The following FAM178B variants were observed in gnomAD, a reference collection of about 807,000 sequenced individuals.
The protein encoded by FAM178B is protein FAM178B.
A neutral mutation model predicts 91.7 loss-of-function variants in FAM178B; 82 were observed. The ratio of observed to expected loss-of-function variants is 0.89; its 90% confidence interval spans 0.75 to 1.07. The LOEUF is 1.07. Among genes scored for constraint, FAM178B ranks in the 50% least tolerant of loss-of-function variants. FAM178B has a pLI of 0.00. For synonymous variants in FAM178B, 368 were observed against 359.4 expected, an observed-to-expected ratio of 1.02 and a Z score of -0.27; for missense variants, 769 against 846.7, an observed-to-expected ratio of 0.91 and a Z score of 1.14.
At chr2:96,981,348 G>C (rs1421413122) in intron 1 of FAM178B, among the ~76,000 whole-genome samples, 2 of 152,102 alleles carry the variant, frequency 1.3e-5, no homozygotes, top group Non-Finnish European at 2.9e-5. Flanking sequence ...ACATGCACGT[G>C]AACACTCAAT....
At chr2:96,983,230 G>A (rs2082384774) in intron 1 of FAM178B, among the ~76,000 whole-genome samples, 1 of 151,918 alleles carries the variant, frequency 6.6e-6, no homozygotes, top group African/African-American at 2.4e-5. Context: ...GTACATATGT[G>A]TACATTTAGT....
At chr2:96,922,372 C>T (rs1326536376) in intron 10 of FAM178B, among the ~76,000 whole-genome samples, 2 of 152,210 alleles carry the variant, frequency 1.3e-5, no homozygotes, top group African/African-American at 2.4e-5. Flanking sequence ...TTTTTTGAGA[C>T]AGAGTCTTGC....
Position 96,972,592 on chromosome 2 carries a change from C to T in FAM178B, c.88G>A (p.Gly30Ser), listed in dbSNP as rs1367263308. The stretch of plus-strand genomic sequence containing the variant: ...TCCTGGGGCCCAGCCATCTGCAAGC[C>T]GTGGGACATCTGTCCTGGAAGGAAG... ...RLHFTGQMSH[G>S]LQMAGPQETV... The change falls in exon 2 of 17, where the codon GGC becomes AGC. Residue 30 changes from glycine (G) to serine (S), a missense_variant. Physicochemically the swap from Gly to Ser is moderately conservative, Grantham distance 56. Transcript: ENST00000490605. 23 of 1,551,468 alleles carry T rather than the reference C, an allele frequency of 1.5e-5. No individual in the cohort carries two copies. The highest frequency in any genetic ancestry group is 2.0e-5 in the Admixed American group (1 of 50,990).
intron 10 of FAM178B, among the ~76,000 whole-genome samples, chr2:96,923,008 G>A (rs576269635): frequency 2.0e-5 from 3 of 151,654 alleles, no homozygotes; most frequent in South Asian, 4.2e-4. Context: ...TCGCTCTGTC[G>A]CCCAGGCTGG....
At chr2:96,955,699 A>G (rs911221235) in intron 6 of FAM178B, among the ~76,000 whole-genome samples, 3 of 152,100 alleles carry the variant, frequency 2.0e-5, no homozygotes, top group Non-Finnish European at 4.4e-5. Context: ...ATAAATAAAT[A>G]AGCGAGTGTT....
At chr2:96,895,619 T>G (rs1199838149) in intron 13 of FAM178B, among the ~76,000 whole-genome samples, 3 of 152,132 alleles carry the variant, frequency 2.0e-5, no homozygotes, top group Non-Finnish European at 4.4e-5. Flanking sequence ...GCAGGCAGGC[T>G]CCCAGCCCTT....
chr2:96,890,421 G>A (rs534409803), intron 14 of FAM178B, among the ~76,000 whole-genome samples: 2 of 152,260 alleles, frequency 1.3e-5, no homozygotes, highest in African/African-American at 4.8e-5. Context: ...CCTTGATGGC[G>A]CCACTGCATT....
At chr2:96,952,360 C>T (rs1230278565) in intron 6 of FAM178B, among the ~76,000 whole-genome samples, 1 of 152,162 alleles carries the variant, frequency 6.6e-6, no homozygotes, top group Non-Finnish European at 1.5e-5. Context: ...TCTTCAGAAA[C>T]CATGTGAGCT....
chr2:96,913,348 G>A (rs2081190484), intron 12 of FAM178B, among the ~76,000 whole-genome samples: 1 of 152,202 alleles, frequency 6.6e-6, no homozygotes, highest in Admixed American at 6.5e-5. Flanking sequence ...GGGGACAAGG[G>A]ACATGCATGT....
At chr2:96,898,153 G>T in intron 13 of FAM178B, 1 of 975,296 alleles carries the variant, frequency 1.0e-6, no homozygotes, top group Non-Finnish European at 1.2e-6. Flanking sequence ...ACAGTGAATC[G>T]ATTGATAGGA....
At chr2:96,930,858 G>T (rs1474952274) in intron 8 of FAM178B, among the ~76,000 whole-genome samples, 1 of 152,162 alleles carries the variant, frequency 6.6e-6, no homozygotes, top group Non-Finnish European at 1.5e-5. Context: ...AAGGCCTGAG[G>T]GAGCTGGTTG....
intron 5 of FAM178B, 31 bp from the exon 6 acceptor site, chr2:96,960,471 A>G: frequency 1.3e-6 from 2 of 1,513,930 alleles, no homozygotes; most frequent in Non-Finnish European, 1.8e-6. Context: ...AGGGCCGGGC[A>G]TCAGCAGATG....
intron 6 of FAM178B, among the ~76,000 whole-genome samples, chr2:96,959,199 G>GAAAAAAAAAAAAAAA (rs57498168): frequency 3.7e-5 from 3 of 82,122 alleles, no homozygotes; most frequent in African/African-American, 9.7e-5. Flanking sequence ...ACTCAGTTTT[G>GAAAAAAAAAAAAAAA]AAAAAAAAAA....
chr2:96,927,980 C>T (rs1048253989), intron 9 of FAM178B, among the ~76,000 whole-genome samples: 4 of 152,240 alleles, frequency 2.6e-5, no homozygotes, highest in Non-Finnish European at 5.9e-5. Context: ...TTACACCAGA[C>T]ATGGAGCTGC....
intron 12 of FAM178B, among the ~76,000 whole-genome samples, chr2:96,903,384 C>T (rs2080971729): frequency 6.6e-6 from 1 of 152,226 alleles, no homozygotes; most frequent in Admixed American, 6.5e-5. Context: ...CTTTGTGGCT[C>T]CACCTCTGCA....
intron 10 of FAM178B, among the ~76,000 whole-genome samples, chr2:96,921,896 G>T (rs1001275339): frequency 2.6e-5 from 4 of 152,104 alleles, no homozygotes; most frequent in Admixed American, 6.5e-5. Context: ...AATAGGGGCT[G>T]GGTAAAACAA....
intron 8 of FAM178B, among the ~76,000 whole-genome samples, chr2:96,934,575 C>T (rs2081593811): frequency 6.6e-6 from 1 of 152,210 alleles, no homozygotes; most frequent in African/African-American, 2.4e-5. Context: ...ATTTTAAAAA[C>T]ATGCACATTT....
At chr2:96,923,170 A>G (rs1349173313) in intron 10 of FAM178B, among the ~76,000 whole-genome samples, 1 of 142,912 alleles carries the variant, frequency 7.0e-6, no homozygotes, top group African/African-American at 2.6e-5. Context: ...ATGGGGTTTC[A>G]CCATGTTGGT....
In FAM178B at chr2:96,931,732, G is replaced by A. The variant is rs374629240; in HGVS notation, c.1079-2412C>T. On this transcript the variant is annotated intron_variant, in intron 8 of 16. Coordinates refer to ENST00000490605, the MANE Select transcript of FAM178B (RefSeq NM_001122646.3). ...GCAGGATGGCGGGCAGAGGGTCTCTGAAACCTGCCCAAGGACATTTCTTCG... is the reference window on the plus strand; with the variant it reads ...GCAGGATGGCGGGCAGAGGGTCTCTAAAACCTGCCCAAGGACATTTCTTCG... Among the ~76,000 whole-genome samples, 63 of 152,250 alleles carry A rather than the reference G, an allele frequency of 4.1e-4. No homozygotes were observed. In the East Asian group the frequency reaches 0.01, roughly 24 times the overall value.
Sources: allele counts gnomAD v4.1 joint callset (sites outside exome capture counted in the v4.1 genomes callset), GRCh38; gene constraint gnomAD v4.1.1; transcripts MANE v1.5; gene names NCBI Gene and HGNC (gene_info 2026-07-23, HGNC 2026-07-21).